The following ANO2 variants were observed in gnomAD, a reference collection of about 807,000 sequenced individuals.
ANO2 encodes the protein anoctamin-2.
In ANO2, 101 loss-of-function variants were observed where a neutral mutation model predicts 124.2. The observed-to-expected ratio is 0.81, with a 90% CI of 0.69 to 0.96. ANO2 has a LOEUF of 0.96. Among genes scored for constraint, ANO2 ranks in the 40% least tolerant of loss-of-function variants. The pLI is 0.00. For synonymous variants in ANO2, 486 were observed against 482.5 expected, an observed-to-expected ratio of 1.01 and a Z score of -0.09; for missense variants, 1,293 against 1,274.5, an observed-to-expected ratio of 1.01 and a Z score of -0.22.
chr12:5,811,963 C>T lies in ANO2; in HGVS notation c.893-4595G>A, dbSNP rs111446454. 2.3e-3 allele frequency among the ~76,000 whole-genome samples: 349 copies of T among 152,050 alleles called. 1 individual carries two copies. The highest frequency in any genetic ancestry group is 8.0e-3 in the African/African-American group (331 of 41,474). On this transcript the variant is annotated intron_variant, in intron 7 of 24. Coordinates refer to ENST00000682330, the MANE Select transcript of ANO2 (RefSeq NM_001364791.2). ...TAAAAAGTTTGATCATTAGTCCAAC[C>T]ATACCTTTTCAAGGTCAACTCCTCC...
intron 3 of ANO2, among the ~76,000 whole-genome samples, chr12:5,893,245 C>T (rs1191817498): frequency 6.6e-6 from 1 of 151,994 alleles, no homozygotes; most frequent in Non-Finnish European, 1.5e-5. Context: ...TAAATGGGAC[C>T]TAATTAAGTT....
intron 3 of ANO2, among the ~76,000 whole-genome samples, chr12:5,903,672 T>TGG (rs1555181048): frequency 1.1e-4 from 17 of 151,890 alleles, no homozygotes; most frequent in African/African-American, 2.9e-4. Context: ...TGTGTGTGTG[T>TGG]GTGTGGGTGT....
chr12:5,835,190 T>G (rs1225826645), intron 4 of ANO2, among the ~76,000 whole-genome samples: 1 of 152,226 alleles, frequency 6.6e-6, no homozygotes, highest in African/African-American at 2.4e-5. Flanking sequence ...AGTGGAAAGT[T>G]CAAGCTATGT....
chr12:5,773,202 G>A (rs1382063376), intron 10 of ANO2, among the ~76,000 whole-genome samples: 1 of 152,242 alleles, frequency 6.6e-6, no homozygotes, highest in African/African-American at 2.4e-5. Flanking sequence ...CTTCCTGCCA[G>A]AGGTGTTAAC....
intron 10 of ANO2, among the ~76,000 whole-genome samples, chr12:5,765,007 G>A (rs943887571): frequency 2.0e-5 from 3 of 152,194 alleles, no homozygotes; most frequent in Non-Finnish European, 2.9e-5. Context: ...CATATAAACA[G>A]TTGACTATTC....
intron 14 of ANO2, among the ~76,000 whole-genome samples, chr12:5,655,334 TA>T (rs1411422121): frequency 1.3e-5 from 2 of 152,188 alleles, no homozygotes; most frequent in Non-Finnish European, 2.9e-5. Flanking sequence ...TCCTTTATCT[TA>T]AAACTGTTTT....
chr12:5,940,214 C>G lies in ANO2; in HGVS notation c.22+4982G>C, dbSNP rs181290406. Among the ~76,000 whole-genome samples, 396 of 152,216 alleles carry G rather than the reference C, an allele frequency of 2.6e-3. 4 individuals are homozygous for G. Among genetic ancestry groups the G allele is most frequent in the Non-Finnish European group, 3.7e-3 (255 of 68,010 alleles). ...ATTTAGAGAAAGATGCTTGCCTTCC[C>G]GTTTGATATGGAAGGTGGGCATGCC... is the stretch of plus-strand genomic sequence containing the variant. On this transcript the variant is annotated intron_variant, in intron 1 of 24. Transcript: ENST00000682330.
chr12:5,830,485 T>G lies in ANO2; in HGVS notation c.790A>C (p.Asn264His). 1 of 1,611,802 alleles carries G rather than the reference T, an allele frequency of 6.2e-7. No individual in the cohort carries two copies. The highest frequency in any genetic ancestry group is 1.3e-5 in the African/African-American group (1 of 75,034). The change falls in exon 6 of 25, where the codon AAC becomes CAC. Residue 264 changes from asparagine to histidine, a missense_variant. Transcript: ENST00000682330. ...PFSREKMYLY[N>H]IQEKDTFFDN... ...AAGAAGGTGTCCTTTTCCTGGATGTTGTACCTGGAGACACCAAGAGAGCAG... is the reference window on the plus strand; with the variant it reads ...AAGAAGGTGTCCTTTTCCTGGATGTGGTACCTGGAGACACCAAGAGAGCAG...
chr12:5,844,416 C>T (rs568822271), intron 4 of ANO2, among the ~76,000 whole-genome samples: 88 of 152,308 alleles, frequency 5.8e-4, no homozygotes, highest in African/African-American at 2.0e-3. Context: ...AGGTGACAGA[C>T]GTACGACACT....
At chr12:5,941,952 T>G (rs987097052) in intron 1 of ANO2, among the ~76,000 whole-genome samples, 1 of 152,186 alleles carries the variant, frequency 6.6e-6, no homozygotes, top group Non-Finnish European at 1.5e-5. Flanking sequence ...AAAGACATTT[T>G]TCATAAAAAC....
Position 5,912,641 on chromosome 12 carries a change from T to C in ANO2, c.534+8399A>G, listed in dbSNP as rs138498070. Among the ~76,000 whole-genome samples, 1,150 of 152,276 alleles carry C rather than the reference T, an allele frequency of 7.6e-3. 14 individuals carry two copies. Among genetic ancestry groups the C allele is most frequent in the African/African-American group, 0.026 (1,086 of 41,554 alleles). The stretch of plus-strand genomic sequence containing the variant: ...AGATCAAATCCAGCCAGCCCTACTG[T>C]GCCTCCCTGTCTCAGCTGTGCGGTC... On this transcript the variant is annotated intron_variant, in intron 3 of 24. Transcript: ENST00000682330.
intron 14 of ANO2, among the ~76,000 whole-genome samples, chr12:5,728,269 T>G (rs1950518731): frequency 1.3e-5 from 2 of 152,130 alleles, no homozygotes; most frequent in Non-Finnish European, 2.9e-5. Flanking sequence ...AGGAATCCAT[T>G]AAAAATTATT....
chr12:5,894,519 T>A (rs12308742), intron 3 of ANO2, among the ~76,000 whole-genome samples: 29,120 of 152,190 alleles, frequency 0.19, 3,065 homozygotes, highest in Middle Eastern at 0.28. Flanking sequence ...CAATTCTGGC[T>A]TTTGTGGCCA....
intron 4 of ANO2, among the ~76,000 whole-genome samples, chr12:5,838,829 C>G (rs985576142): frequency 6.6e-6 from 1 of 152,224 alleles, no homozygotes; most frequent in Non-Finnish European, 1.5e-5. Context: ...TTACGGAGAG[C>G]AGGGACCCTG....
At chr12:5,704,782 CT>C (rs1424811735) in intron 14 of ANO2, among the ~76,000 whole-genome samples, 37 of 152,134 alleles carry the variant, frequency 2.4e-4, no homozygotes, top group African/African-American at 8.9e-4. Flanking sequence ...TCTAAGCTTT[CT>C]GACGAAATGT....
At chr12:5,918,438 C>CTTT (rs59787191) in intron 3 of ANO2, among the ~76,000 whole-genome samples, 1 of 118,948 alleles carries the variant, frequency 8.4e-6, no homozygotes, top group Admixed American at 8.3e-5. Context: ...TAACTTGAAT[C>CTTT]TTTTTTTTTT....
At chr12:5,596,130 T>G (rs1318089517) in intron 20 of ANO2, among the ~76,000 whole-genome samples, 1 of 152,148 alleles carries the variant, frequency 6.6e-6, no homozygotes, top group Non-Finnish European at 1.5e-5. Flanking sequence ...AACCCAGCAC[T>G]TTGGGAGGCC....
At chr12:5,856,793 T>C (rs1955112507) in intron 3 of ANO2, among the ~76,000 whole-genome samples, 1 of 152,228 alleles carries the variant, frequency 6.6e-6, no homozygotes, top group Non-Finnish European at 1.5e-5. Context: ...ACCTTGTTTA[T>C]CCACGGTGAT....
intron 10 of ANO2, among the ~76,000 whole-genome samples, chr12:5,771,791 A>G (rs1262048573): frequency 2.0e-5 from 3 of 152,222 alleles, no homozygotes; most frequent in African/African-American, 7.2e-5. Context: ...AAAATAAAAC[A>G]GAATTCTTCA....
Sources: gnomAD v4.1 joint callset for allele counts (sites outside exome capture counted in the v4.1 genomes callset) on GRCh38, gnomAD v4.1.1 for gene constraint, MANE v1.5 for transcripts, NCBI Gene and HGNC (gene_info 2026-07-23, HGNC 2026-07-21) for gene names.